Variants in ZKSCAN7 observed in about 807,000 individuals in gnomAD.
ZKSCAN7 encodes zinc finger protein with KRAB and SCAN domains 7.
In ZKSCAN7, 38 loss-of-function variants were observed where a neutral mutation model predicts 65.3. That is an observed-to-expected ratio of 0.58 (90% confidence interval 0.45 to 0.76). ZKSCAN7 has a LOEUF of 0.76. ZKSCAN7 is among the 30% of genes least tolerant of loss of function. The pLI, the probability that ZKSCAN7 is intolerant of heterozygous loss-of-function variation, is 0.00. For synonymous variants in ZKSCAN7, 321 were observed against 321.0 expected, an observed-to-expected ratio of 1.00 and a Z score of 0.00; for missense variants, 815 against 913.3, an observed-to-expected ratio of 0.89 and a Z score of 1.39.
Position 44,581,797 on chromosome 3 carries a change from T to G in ZKSCAN7, c.812-1175T>G, listed in dbSNP as rs775229584. Reference sequence around the variant, plus strand: ...ATGAAAATATTCTACAGCCAAACCCTTATCATAAACTCCAGCCCTGGTCAT... The same window carrying G: ...ATGAAAATATTCTACAGCCAAACCCGTATCATAAACTCCAGCCCTGGTCAT... On this transcript the variant is annotated intron_variant, in intron 5 of 5. Transcript: ENST00000341840. 8.5e-5 allele frequency among the ~76,000 whole-genome samples: 13 copies of G among 152,216 alleles called. No homozygotes were observed. The East Asian group carries it at 2.5e-3, about 29-fold the overall frequency.
At position 44,570,688 on chromosome 3, in the gene ZKSCAN7, T is replaced by C; in HGVS notation, c.1578T>C (p.Asn526=). The C allele has an allele frequency of 6.2e-7, 1 of 1,614,128 alleles. No homozygotes were observed. Among genetic ancestry groups the C allele is most frequent in the Non-Finnish European group, 8.5e-7 (1 of 1,180,034 alleles). The change falls in exon 6 of 6, where the codon AAT becomes AAC. Residue 526 remains asparagine, a synonymous_variant. Coordinates refer to ENST00000426540, the MANE Select transcript of ZKSCAN7 (RefSeq NM_001288590.2). The part of the protein sequence containing the change: ...LHTGKKPYKC[N]ECGRAFCSNR... Reference sequence around the variant, plus strand: ...CTGGTAAGAAACCTTACAAATGCAATGAGTGTGGGAGAGCATTCTGTTCCA... The same window carrying C: ...CTGGTAAGAAACCTTACAAATGCAACGAGTGTGGGAGAGCATTCTGTTCCA...
Position 44,556,931 on chromosome 3 carries a change from C to A in ZKSCAN7, c.-117C>A. On this transcript the variant is annotated splice_region_variant and 5_prime_UTR_variant, in exon 2 of 6. Coordinates refer to ENST00000426540, the MANE Select transcript of ZKSCAN7 (RefSeq NM_001288590.2). ...CTGATTTCACTCTTGTTTCTGTAGG[C>A]CACACTACCATCACCCCTTTCTCCA... The A allele has an allele frequency of 7.5e-7, 1 of 1,338,470 alleles. No homozygotes were observed. Among genetic ancestry groups the A allele is most frequent in the Non-Finnish European group, 1.1e-6 (1 of 950,194 alleles). 82.9% of individuals were successfully genotyped at this position (1,338,470 alleles called of 1,614,324 possible).
downstream of ZKSCAN7, among the ~76,000 whole-genome samples, chr3:44,574,575 C>T (rs532063378): frequency 7.2e-5 from 11 of 152,256 alleles, no homozygotes; most frequent in African/African-American, 2.4e-4. Flanking sequence ...TATTCTGTTG[C>T]GTTTAGGAAG....
chr3:44,564,490 G>C (rs1182940958), intron 2 of ZKSCAN7, among the ~76,000 whole-genome samples: 2 of 152,148 alleles, frequency 1.3e-5, no homozygotes, highest in Non-Finnish European at 2.9e-5. Context: ...CACTCTGTTG[G>C]GGAAACATAG....
Position 44,582,537 on chromosome 3 carries a change from T to C in ZKSCAN7, c.812-435T>C, listed in dbSNP as rs191070072. 5.9e-5 allele frequency among the ~76,000 whole-genome samples: 9 copies of C among 152,282 alleles called. No individual in the cohort carries two copies. In the East Asian group the frequency reaches 1.5e-3, roughly 26 times the overall value. On this transcript the variant is annotated intron_variant, in intron 5 of 5. Transcript: ENST00000341840. ...GGCAGATAGATGTCATAATAAAGAT[T>C]GAAATTGCTGAGTATTTAGGCAATT...
exon 6 of ZKSCAN7, chr3:44,583,043 C>T (rs1700124401): frequency 4.7e-6 from 2 of 428,258 alleles, no homozygotes; most frequent in Non-Finnish European, 9.4e-6. Context: ...TCTCCTGCCT[C>T]AGACTCCTGA....
At chr3:44,574,657 C>T (rs527946441), downstream of ZKSCAN7, among the ~76,000 whole-genome samples, 27 of 152,222 alleles carry the variant, frequency 1.8e-4, no homozygotes, top group Admixed American at 1.4e-3. Flanking sequence ...GGGGTGGACA[C>T]GGTGGCATGT....
Position 44,580,637 on chromosome 3 carries a change from G to C in ZKSCAN7, c.812-2335G>C. 13 of 1,613,904 alleles carry C rather than the reference G, an allele frequency of 8.1e-6. No homozygotes were observed. In the South Asian group the frequency reaches 1.4e-4, roughly 18 times the overall value. On this transcript the variant is annotated intron_variant, in intron 5 of 5. Coordinates refer to the ZKSCAN7 transcript ENST00000341840. The stretch of plus-strand genomic sequence containing the variant: ...TGACGATCTCCTTGGTCTCCGCCCG[G>C]ATGAAATGCTCCTTCTCAGGCGTCA...
At chr3:44,581,074 C>G in intron 5 of ZKSCAN7, 1 of 1,262,162 alleles carries the variant, frequency 7.9e-7, no homozygotes, top group Non-Finnish European at 1.0e-6. Flanking sequence ...GCCTGGCGCT[C>G]CCGGCGGGCT....
Position 44,578,379 on chromosome 3 carries a change from C to T in ZKSCAN7, c.812-4593C>T, listed in dbSNP as rs917218145. ...GCAAGGGGTGACCCAGTGGCCTCCCCACCGCCGTCCCCAGTCAGCAGCGTC... is the reference window on the plus strand; with the variant it reads ...GCAAGGGGTGACCCAGTGGCCTCCCTACCGCCGTCCCCAGTCAGCAGCGTC... On this transcript the variant is annotated intron_variant, in intron 5 of 5. Coordinates refer to the ZKSCAN7 transcript ENST00000341840. The T allele has an allele frequency of 3.7e-6, 6 of 1,613,162 alleles. No individual in the cohort carries two copies. The African/African-American group carries it at 6.7e-5, about 18-fold the overall frequency.
intron 5 of ZKSCAN7, chr3:44,579,979 G>GA: frequency 6.3e-7 from 1 of 1,588,734 alleles, no homozygotes; most frequent in South Asian, 1.1e-5. Context: ...GGAGCTTGGG[G>GA]GGGGGCTTCA....
intron 5 of ZKSCAN7, chr3:44,578,316 G>A (rs1699970106): frequency 8.8e-6 from 14 of 1,592,656 alleles, no homozygotes; most frequent in South Asian, 3.3e-5. Flanking sequence ...TCCTATATCC[G>A]CAATAAGACT....
chr3:44,570,505 A>G lies in ZKSCAN7; in HGVS notation c.1395A>G (p.Lys465=). Residue 465 remains lysine, a synonymous_variant, in exon 6 of 6, where the codon AAA becomes AAG. Coordinates refer to ENST00000426540, the MANE Select transcript of ZKSCAN7 (RefSeq NM_001288590.2). ...IQHQRLHNGE[K]PYKCNECAKA... ...ACCAGAGACTCCATAATGGGGAGAAACCCTATAAATGTAATGAATGTGCAA... is the reference window on the plus strand; with the variant it reads ...ACCAGAGACTCCATAATGGGGAGAAGCCCTATAAATGTAATGAATGTGCAA... The G allele has an allele frequency of 6.2e-7, 1 of 1,614,182 alleles. No individual in the cohort carries two copies.
rs1699751648 is a variant in ZKSCAN7 at position 44,570,112 on chromosome 3, A to G, written c.1002A>G (p.Leu334=). 4 of 1,613,908 alleles carry G rather than the reference A, an allele frequency of 2.5e-6. No individual in the cohort carries two copies. Among genetic ancestry groups the G allele is most frequent in the Non-Finnish European group, 3.4e-6 (4 of 1,179,986 alleles). The change falls in exon 6 of 6, where the codon CTA becomes CTG. Residue 334 remains leucine (L), a synonymous_variant. Transcript: ENST00000426540. The part of the protein sequence containing the change: ...GQTSDEEGSR[L]ENDFLEITDE... The stretch of plus-strand genomic sequence containing the variant: ...CCTCAGATGAAGAAGGGAGCAGACT[A>G]GAAAATGATTTCTTGGAAATAACAG...
Position 44,571,048 on chromosome 3 carries a change from A to G in ZKSCAN7, c.1938A>G (p.Gln646=), listed in dbSNP as rs953456867. 4.3e-6 allele frequency: 7 copies of G among 1,614,018 alleles called. No homozygotes were observed. In the African/African-American group the frequency reaches 9.3e-5, roughly 22 times the overall value. ...ATGAGTGTGGAAAATCCTTCAATCA[A>G]AACTCACACCTTATTATACACCAGA... ...KCNECGKSFN[Q]NSHLIIHQRI... is the part of the protein sequence containing the mutation. The change falls in exon 6 of 6, where the codon CAA becomes CAG. Residue 646 remains glutamine, a synonymous_variant. Transcript: ENST00000426540.
At chr3:44,562,398 G>A (rs1322482614) in intron 2 of ZKSCAN7, among the ~76,000 whole-genome samples, 1 of 152,230 alleles carries the variant, frequency 6.6e-6, no homozygotes, top group African/African-American at 2.4e-5. Flanking sequence ...ATGAGAGGGG[G>A]CTGCTGTGAA....
chr3:44,565,392 C>T, intron 2 of ZKSCAN7, 95 bp from the exon 3 acceptor site: 4 of 1,300,910 alleles, frequency 3.1e-6, no homozygotes, highest in Non-Finnish European at 3.1e-6. Flanking sequence ...TCTTCTTTTC[C>T]CTGGCTTTCT....
At chr3:44,575,051 G>T (rs1699895565), downstream of ZKSCAN7, among the ~76,000 whole-genome samples, 1 of 152,190 alleles carries the variant, frequency 6.6e-6, no homozygotes, top group South Asian at 2.1e-4. Context: ...CCAGCGTTTT[G>T]GGAGGTGAAG....
intron 3 of ZKSCAN7, among the ~76,000 whole-genome samples, chr3:44,566,875 T>A (rs1052337156): frequency 1.3e-5 from 2 of 151,852 alleles, no homozygotes; most frequent in African/African-American, 4.8e-5. Flanking sequence ...TCCCAGCACT[T>A]TGGGAGGCTA....
Sources: allele counts gnomAD v4.1 joint callset (sites outside exome capture counted in the v4.1 genomes callset), GRCh38; gene constraint gnomAD v4.1.1; transcripts MANE v1.5; gene names NCBI Gene and HGNC (gene_info 2026-07-23, HGNC 2026-07-21).